SPAST: variants seen among roughly 807,000 people sequenced by gnomAD.
SPAST encodes the protein spastic paraplegia 4 (autosomal dominant; spastin).
SPAST carries 30 observed loss-of-function variants against 76.6 expected under a neutral mutation model. The ratio of observed to expected loss-of-function variants is 0.39; its 90% CI spans 0.29 to 0.53. The LOEUF (loss-of-function observed/expected upper bound fraction) is 0.53. Among genes scored for constraint, SPAST ranks in the 20% least tolerant of loss-of-function variants. The pLI is 0.68. For synonymous variants in SPAST, 305 were observed against 281.0 expected (o/e 1.09, Z -0.86); for missense variants, 717 against 770.5 (o/e 0.93, Z 0.82).
intron 1 of SPAST, among the ~76,000 whole-genome samples, chr2:32,076,562 G>T (rs467523): frequency 6.6e-6 from 1 of 151,744 alleles, no homozygotes; most frequent in East Asian, 1.9e-4. Context: ...TTTCTCTAAT[G>T]GTGAACTATG....
At chr2:32,073,826 CTG>C (rs1020320516) in intron 1 of SPAST, among the ~76,000 whole-genome samples, 2 of 152,144 alleles carry the variant, frequency 1.3e-5, no homozygotes, top group African/African-American at 4.8e-5. Flanking sequence ...ATGTCAAAAT[CTG>C]TGATTTTCTT....
chr2:32,077,989 T>C (rs552118177), intron 1 of SPAST: 5 of 152,158 alleles, frequency 3.3e-5, no homozygotes, highest in Non-Finnish European at 7.3e-5. Context: ...TTGTTTTGTT[T>C]TGTTTTGTTT....
chr2:32,064,310 A>G, intron 1 of SPAST, 64 bp downstream of exon 1: 5 of 909,732 alleles, frequency 5.5e-6, no homozygotes, highest in Admixed American at 2.1e-5. Flanking sequence ...TCGCCGGGGG[A>G]GGGCAACACC....
intron 4 of SPAST, among the ~76,000 whole-genome samples, chr2:32,111,745 T>G (rs2148730035): frequency 6.6e-6 from 1 of 151,418 alleles, no homozygotes. Flanking sequence ...AAACTCTTAG[T>G]CTTTCCAGTG....
At chr2:32,143,732 C>T (rs1234018998) in intron 14 of SPAST, among the ~76,000 whole-genome samples, 1 of 151,994 alleles carries the variant, frequency 6.6e-6, no homozygotes, top group African/African-American at 2.4e-5. Flanking sequence ...CATGGTAAAA[C>T]CCCATCTCTA....
Position 32,100,467 on chromosome 2 carries a change from A to T in SPAST, c.682+1576A>T, listed in dbSNP as rs116119327. Among the ~76,000 whole-genome samples, 1,441 of 151,796 alleles carry T rather than the reference A, an allele frequency of 9.5e-3. 19 individuals carry two copies. Among genetic ancestry groups the T allele is most frequent in the African/African-American group, 0.033 (1,370 of 41,428 alleles). ...CTTTTGGCATAATAATTATATATAT[A>T]TTTTTAATTACACTTTACGTTCTAG... On this transcript the variant is annotated intron_variant, in intron 4 of 16. Transcript: ENST00000315285.
At position 32,063,966 on chromosome 2, in the gene SPAST, G is replaced by A. The variant is rs757100197; in HGVS notation, c.135G>A (p.Pro45=). Residue 45 remains proline, a synonymous_variant, in exon 1 of 17, where the codon CCG becomes CCA. Transcript: ENST00000315285. ...GGCCGGCCCCTCCGCCCGAGTCGCCGCATAAGCGGAACCTGTACTATTTCT... is the reference window on the plus strand; with the variant it reads ...GGCCGGCCCCTCCGCCCGAGTCGCCACATAAGCGGAACCTGTACTATTTCT... ...AAGPAPPPES[P]HKRNLYYFSY... 1.2e-6 allele frequency: 2 copies of A among 1,612,094 alleles called. No homozygotes were observed. The highest frequency in any genetic ancestry group is 8.5e-7 in the Non-Finnish European group (1 of 1,178,958).
At chr2:32,147,092 CT>C (rs1179773125) in intron 15 of SPAST, 125 bp from the exon 16 acceptor site, 48 of 663,098 alleles carry the variant, frequency 7.2e-5, no homozygotes, top group African/African-American at 9.1e-5. Context: ...ACATGTGTCT[CT>C]TTTTTTTAAT....
chr2:32,145,042 T>C, intron 15 of SPAST, 35 bp downstream of exon 15: 1 of 1,464,418 alleles, frequency 6.8e-7, no homozygotes, highest in Non-Finnish European at 9.5e-7. Context: ...TTTAGAACTA[T>C]TTATTATACC....
intron 4 of SPAST, among the ~76,000 whole-genome samples, chr2:32,107,067 A>G: frequency 6.6e-6 from 1 of 151,962 alleles, no homozygotes; most frequent in East Asian, 1.9e-4. Context: ...TTCATTTCAC[A>G]TGCTAGACCC....
intron 3 of SPAST, among the ~76,000 whole-genome samples, chr2:32,095,940 T>C (rs1558310393): frequency 1.3e-5 from 2 of 152,126 alleles, no homozygotes; most frequent in South Asian, 2.1e-4. Context: ...TGGGCTCTTA[T>C]CTGTGGGCAA....
chr2:32,091,649 G>T (rs958231210), intron 3 of SPAST, among the ~76,000 whole-genome samples: 1 of 150,726 alleles, frequency 6.6e-6, no homozygotes, highest in East Asian at 2.0e-4. Context: ...TGGCTAACAC[G>T]GTGAAACCCC....
intron 9 of SPAST, chr2:32,130,352 C>T (rs1283157111): frequency 1.3e-5 from 2 of 151,252 alleles, no homozygotes; most frequent in East Asian, 3.9e-4. Context: ...CATACTTAAA[C>T]TGAAATGTGA....
Position 32,065,106 on chromosome 2 carries a change from G to A in SPAST, c.415+860G>A, listed in dbSNP as rs958706001. Among the ~76,000 whole-genome samples, 6 of 150,900 alleles carry A rather than the reference G, an allele frequency of 4.0e-5. No homozygotes were observed. The Admixed American group carries it at 4.0e-4, about 10-fold the overall frequency. On this transcript the variant is annotated intron_variant, in intron 1 of 16. Coordinates refer to ENST00000315285, the MANE Select transcript of SPAST (RefSeq NM_014946.4). Reference sequence around the variant, plus strand: ...GCAGTCTCGGCTCACTGCAACCTCCGACTCCCTGGTTCCAGCGATTCTCCT... The same window carrying A: ...GCAGTCTCGGCTCACTGCAACCTCCAACTCCCTGGTTCCAGCGATTCTCCT...
chr2:32,100,428 A>G (rs1259380113), intron 4 of SPAST, among the ~76,000 whole-genome samples: 2 of 151,396 alleles, frequency 1.3e-5, no homozygotes, highest in Non-Finnish European at 2.9e-5. Flanking sequence ...CTATAAAACA[A>G]CTGCCTTCTT....
chr2:32,124,306 AAAC>A (rs1317202327), intron 7 of SPAST, among the ~76,000 whole-genome samples: 2 of 152,224 alleles, frequency 1.3e-5, no homozygotes, highest in Non-Finnish European at 2.9e-5. Context: ...TTGCGCATTA[AAAC>A]AACAACAAGA....
intron 12 of SPAST, among the ~76,000 whole-genome samples, chr2:32,140,634 A>G (rs931062786): frequency 1.3e-5 from 2 of 151,618 alleles, no homozygotes; most frequent in Non-Finnish European, 2.9e-5. Flanking sequence ...AAAAGAAAAA[A>G]TTTTTTGGTC....
At chr2:32,134,116 G>T (rs987671043) in intron 9 of SPAST, among the ~76,000 whole-genome samples, 1 of 152,044 alleles carries the variant, frequency 6.6e-6, no homozygotes, top group Admixed American at 6.6e-5. Context: ...GCTCACTGCA[G>T]CCTCAGCCTC....
chr2:32,124,738 A>G (rs1002599809), intron 7 of SPAST, among the ~76,000 whole-genome samples: 5 of 152,216 alleles, frequency 3.3e-5, no homozygotes, highest in African/African-American at 1.2e-4. Flanking sequence ...TCAAGCCACA[A>G]AAATATATGG....
Sources: allele counts gnomAD v4.1 joint callset (sites outside exome capture counted in the v4.1 genomes callset), GRCh38; gene constraint gnomAD v4.1.1; transcripts MANE v1.5; gene names NCBI Gene and HGNC (gene_info 2026-07-23, HGNC 2026-07-21).